LOC400499: variants seen among roughly 807,000 people sequenced by gnomAD.
At chr16:11,501,421 G>C in the LOC400499 span, among the ~76,000 whole-genome samples, 11,952 of 152,108 alleles carry the variant, frequency 0.079, 1,298 homozygotes, top group African/African-American at 0.25. Context: ...GCAGTGGTGC[G>C]ATCACACCTC....
At chr16:11,453,437 G>A in the LOC400499 span, among the ~76,000 whole-genome samples, 1 of 151,914 alleles carries the variant, frequency 6.6e-6, no homozygotes, top group Non-Finnish European at 1.5e-5. Flanking sequence ...GAAATAAAAA[G>A]AAAAAGGAAA....
At chr16:11,389,823 G>A in the LOC400499 span, among the ~76,000 whole-genome samples, 1 of 151,812 alleles carries the variant, frequency 6.6e-6, no homozygotes, top group African/African-American at 2.4e-5. Context: ...ACTTCCTTGT[G>A]CTTCGTGTCT....
the LOC400499 span, among the ~76,000 whole-genome samples, chr16:11,407,986 T>G: frequency 3.5e-5 from 5 of 142,838 alleles, no homozygotes; most frequent in South Asian, 7.2e-4. Context: ...TTTTTTTTTT[T>G]TTTTTTTTTT....
chr16:11,466,349 C>T, the LOC400499 span, among the ~76,000 whole-genome samples: 99 of 152,114 alleles, frequency 6.5e-4, no homozygotes, highest in Middle Eastern at 3.4e-3. Flanking sequence ...CCCATGCAGC[C>T]AAAGAACCAA....
the LOC400499 span, chr16:11,493,762 C>G: frequency 2.5e-6 from 1 of 393,264 alleles, no homozygotes. Flanking sequence ...GGCTGCCAAG[C>G]CCGCGTTGCC....
At chr16:11,456,043 A>AT in the LOC400499 span, among the ~76,000 whole-genome samples, 62,806 of 142,274 alleles carry the variant, frequency 0.44, 14,298 homozygotes, top group Non-Finnish European at 0.5. Context: ...CGTGGATAAA[A>AT]TTTTTTTTTT....
the LOC400499 span, among the ~76,000 whole-genome samples, chr16:11,421,396 T>C: frequency 7.3e-4 from 111 of 151,848 alleles, no homozygotes; most frequent in Admixed American, 2.7e-3. Flanking sequence ...CTCACTCTGG[T>C]ATTTTTTGTG....
the LOC400499 span, among the ~76,000 whole-genome samples, chr16:11,377,357 C>G: frequency 1.3e-5 from 2 of 152,190 alleles, no homozygotes; most frequent in African/African-American, 4.8e-5. Context: ...ATAGCTCTAG[C>G]TAGGATTTCC....
At chr16:11,413,578 C>T in the LOC400499 span, among the ~76,000 whole-genome samples, 14 of 152,112 alleles carry the variant, frequency 9.2e-5, no homozygotes, top group Non-Finnish European at 1.6e-4. Context: ...AGGAGGACAC[C>T]GTGAGGAAGG....
the LOC400499 span, among the ~76,000 whole-genome samples, chr16:11,444,997 G>C: frequency 1.3e-5 from 2 of 151,930 alleles, no homozygotes; most frequent in African/African-American, 4.8e-5. Context: ...GCTGAGGTGG[G>C]AGGATCACTT....
At chr16:11,442,930 C>T in the LOC400499 span, among the ~76,000 whole-genome samples, 2,505 of 152,214 alleles carry the variant, frequency 0.016, 79 homozygotes, top group African/African-American at 0.058. Context: ...CCACACGCAG[C>T]CTCGTTTAAC....
At chr16:11,419,988 T>C in the LOC400499 span, among the ~76,000 whole-genome samples, 60,359 of 147,244 alleles carry the variant, frequency 0.41, 12,483 homozygotes, top group Middle Eastern at 0.47. Context: ...ACTTTTACAC[T>C]GTTGGTGGGA....
At chr16:11,523,372 C>T in the LOC400499 span, 1,226 of 398,678 alleles carry the variant, frequency 3.1e-3, 18 homozygotes, top group African/African-American at 0.023. Context: ...TGGGCTCAGG[C>T]TCCTGGTCAC....
chr16:11,460,752 G>T, the LOC400499 span: 2 of 1,313,876 alleles, frequency 1.5e-6, no homozygotes, highest in Non-Finnish European at 2.0e-6. Context: ...ATTAGAACCT[G>T]TCGATGGGGA....
At chr16:11,386,665 A>G in the LOC400499 span, among the ~76,000 whole-genome samples, 58 of 152,340 alleles carry the variant, frequency 3.8e-4, 2 homozygotes, top group East Asian at 4.8e-3. Flanking sequence ...CCCACAGGTT[A>G]GACTCACCTG....
the LOC400499 span, among the ~76,000 whole-genome samples, chr16:11,387,905 T>A: frequency 2.6e-5 from 4 of 152,094 alleles, no homozygotes; most frequent in African/African-American, 9.7e-5. Context: ...ATTACAGGTG[T>A]GAGCCACTGT....
At chr16:11,380,640 G>C in the LOC400499 span, among the ~76,000 whole-genome samples, 67 of 152,200 alleles carry the variant, frequency 4.4e-4, no homozygotes, top group African/African-American at 1.6e-3. Context: ...AATTATAACG[G>C]GTGACTGCTT....
the LOC400499 span, among the ~76,000 whole-genome samples, chr16:11,444,489 C>G: frequency 6.6e-6 from 1 of 152,206 alleles, no homozygotes; most frequent in East Asian, 1.9e-4. Flanking sequence ...TGTTGGGACA[C>G]AGCCACGCCC....
chr16:11,523,997 C>T, the LOC400499 span, among the ~76,000 whole-genome samples: 4 of 119,332 alleles, frequency 3.4e-5, no homozygotes, highest in African/African-American at 1.0e-4. Flanking sequence ...TGCCCACTCC[C>T]CACACCCCTC....
Sources: gnomAD v4.1 joint callset for allele counts (sites outside exome capture counted in the v4.1 genomes callset) on GRCh38, gnomAD v4.1.1 for gene constraint, MANE v1.5 for transcripts.